CDH18: variants seen among roughly 807,000 people sequenced by gnomAD.
CDH18 encodes the protein cadherin-18.
Under a neutral mutation model 67.9 loss-of-function variants are expected in CDH18, and 31 were observed. The observed-to-expected ratio is 0.46, with a 90% CI of 0.34 to 0.62. The LOEUF (loss-of-function observed/expected upper bound fraction) is 0.62, where lower values mean the gene tolerates loss of function less well. Among genes scored for constraint, CDH18 ranks in the 20% least tolerant of loss-of-function variants. The pLI, the probability that CDH18 is intolerant of heterozygous loss-of-function variation, is 0.01. For missense variants in CDH18, 890 were observed against 975.5 expected (o/e 0.91, Z 1.17); for synonymous variants, 362 against 347.2 (o/e 1.04, Z -0.48).
chr5:20,341,093 C>A (rs575918553), intron 1 of CDH18, among the ~76,000 whole-genome samples: 6 of 152,166 alleles, frequency 3.9e-5, no homozygotes, highest in African/African-American at 1.4e-4. Flanking sequence ...CTCCCACATC[C>A]TTCCCTAACC....
intron 5 of CDH18, among the ~76,000 whole-genome samples, chr5:19,613,794 A>G (rs1037356359): frequency 6.6e-6 from 1 of 152,164 alleles, no homozygotes; most frequent in Non-Finnish European, 1.5e-5. Flanking sequence ...CCTCATGTCC[A>G]TGAGATAGAT....
chr5:20,282,947 G>C (rs941254228), intron 1 of CDH18, among the ~76,000 whole-genome samples: 2 of 151,524 alleles, frequency 1.3e-5, no homozygotes, highest in African/African-American at 4.8e-5. Flanking sequence ...AAAATAGAGA[G>C]ACCAAAAACA....
At chr5:19,640,136 A>G (rs1010781202) in intron 5 of CDH18, among the ~76,000 whole-genome samples, 2 of 152,222 alleles carry the variant, frequency 1.3e-5, no homozygotes, top group African/African-American at 4.8e-5. Context: ...TCAAGTTGTA[A>G]CTAAAACATA....
chr5:19,819,676 G>A (rs534521606), intron 3 of CDH18, among the ~76,000 whole-genome samples: 6 of 152,246 alleles, frequency 3.9e-5, no homozygotes, highest in African/African-American at 1.4e-4. Flanking sequence ...AGGAGGCAGA[G>A]GCTTGCACAG....
chr5:19,819,957 G>T (rs988001291), intron 3 of CDH18, among the ~76,000 whole-genome samples: 1 of 152,110 alleles, frequency 6.6e-6, no homozygotes, highest in Non-Finnish European at 1.5e-5. Context: ...TTTTCCAGTG[G>T]CCTGAGAGCA....
At chr5:20,535,066 A>C (rs11957706) in intron 1 of CDH18, among the ~76,000 whole-genome samples, 2,824 of 152,210 alleles carry the variant, frequency 0.019, 101 homozygotes, top group African/African-American at 0.063. Flanking sequence ...CAAACATGAA[A>C]ATATAGTGTT....
intron 2 of CDH18, among the ~76,000 whole-genome samples, chr5:19,871,958 TTTC>T (rs532616263): frequency 1.2e-3 from 177 of 152,280 alleles, no homozygotes; most frequent in African/African-American, 3.9e-3. Flanking sequence ...GACATGTGAG[TTTC>T]TTTTTTAATC....
intron 2 of CDH18, among the ~76,000 whole-genome samples, chr5:20,003,294 T>C (rs995989822): frequency 3.3e-5 from 5 of 152,186 alleles, no homozygotes; most frequent in African/African-American, 1.2e-4. Flanking sequence ...TATGTGGCTG[T>C]GTTTGTGTGT....
intron 3 of CDH18, among the ~76,000 whole-genome samples, chr5:19,759,282 C>T (rs1211885252): frequency 2.6e-5 from 4 of 152,300 alleles, no homozygotes; most frequent in East Asian, 1.9e-4. Context: ...GTGGGAATCA[C>T]CACCCTTGCA....
intron 2 of CDH18, among the ~76,000 whole-genome samples, chr5:20,188,884 T>C (rs1738315461): frequency 6.7e-6 from 1 of 149,288 alleles, no homozygotes; most frequent in Admixed American, 6.7e-5. Context: ...CCAAAGGATA[T>C]ATACTTTCCA....
chr5:20,315,169 C>A (rs1241588487), intron 1 of CDH18, among the ~76,000 whole-genome samples: 1 of 152,066 alleles, frequency 6.6e-6, no homozygotes, highest in East Asian at 1.9e-4. Context: ...ACACTACCAT[C>A]TACCCAATTT....
intron 2 of CDH18, among the ~76,000 whole-genome samples, chr5:20,123,650 C>G (rs1336043647): frequency 6.6e-6 from 1 of 151,968 alleles, no homozygotes; most frequent in Admixed American, 6.6e-5. Context: ...CACTTTGGGA[C>G]GCCGAGGCGG....
chr5:19,921,367 T>TA (rs1292849664), intron 2 of CDH18, among the ~76,000 whole-genome samples: 10 of 151,978 alleles, frequency 6.6e-5, no homozygotes, highest in Admixed American at 4.6e-4. Context: ...CTGTCTCTAC[T>TA]AAAAATACAA....
intron 1 of CDH18, among the ~76,000 whole-genome samples, chr5:20,398,646 T>C (rs1219066476): frequency 1.3e-5 from 2 of 151,972 alleles, no homozygotes; most frequent in African/African-American, 2.4e-5. Context: ...AGCACACATA[T>C]ACCTATGTAA....
intron 2 of CDH18, among the ~76,000 whole-genome samples, chr5:20,160,790 G>T (rs562753960): frequency 6.6e-6 from 1 of 152,260 alleles, no homozygotes; most frequent in Admixed American, 6.5e-5. Context: ...GTAACAAACT[G>T]ATGAAAAAAT....
chr5:20,341,172 G>T (rs1040166109), intron 1 of CDH18, among the ~76,000 whole-genome samples: 4 of 152,110 alleles, frequency 2.6e-5, no homozygotes, highest in African/African-American at 9.7e-5. Context: ...ATGCAATATT[G>T]ATCCTGAGTG....
chr5:20,462,614 A>G (rs1751351029), intron 1 of CDH18, among the ~76,000 whole-genome samples: 1 of 152,182 alleles, frequency 6.6e-6, no homozygotes, highest in African/African-American at 2.4e-5. Context: ...TATCCCATAT[A>G]TATGTACAAA....
chr5:19,808,362 T>G (rs1220690943), intron 3 of CDH18, among the ~76,000 whole-genome samples: 1 of 151,400 alleles, frequency 6.6e-6, no homozygotes, highest in Admixed American at 6.6e-5. Flanking sequence ...GAAGGCCCAC[T>G]AGGCTCAACT....
intron 2 of CDH18, among the ~76,000 whole-genome samples, chr5:19,977,481 A>G (rs1220812757): frequency 6.6e-6 from 1 of 152,200 alleles, no homozygotes; most frequent in Non-Finnish European, 1.5e-5. Context: ...GCCAGATTAA[A>G]GAAGACTGGC....
Sources: allele counts gnomAD v4.1 joint callset (sites outside exome capture counted in the v4.1 genomes callset), GRCh38; gene constraint gnomAD v4.1.1; transcripts MANE v1.5; gene names NCBI Gene and HGNC (gene_info 2026-07-23, HGNC 2026-07-21).